Variants in NEB observed in about 807,000 individuals in gnomAD.
The protein encoded by NEB is nebulin.
Under a neutral mutation model 952.2 loss-of-function variants are expected in NEB, and 512 were observed. The ratio of observed to expected loss-of-function variants is 0.54; its 90% CI spans 0.50 to 0.58. NEB has a LOEUF of 0.58. Among genes scored for constraint, NEB ranks in the 20% least tolerant of loss-of-function variants. NEB has a pLI of 0.00. For synonymous variants in NEB, 2,900 were observed against 3,149.8 expected, an observed-to-expected ratio of 0.92 and a Z score of 2.66; for missense variants, 8,428 against 9,231.1, an observed-to-expected ratio of 0.91 and a Z score of 3.56.
At position 151,547,678 on chromosome 2, in the gene NEB, G is replaced by T. The variant is rs199722285; in HGVS notation, c.20218C>A (p.Pro6740Thr). The change falls in exon 132 of 182, where the codon CCT becomes ACT. Residue 6740 changes from proline (P) to threonine (T), a missense_variant. By Grantham distance (38) the Pro-to-Thr change is conservative. Coordinates refer to ENST00000397345, the MANE Select transcript of NEB (RefSeq NM_001164508.2). ...KDKIHTTPDT[P>T]EIRQVKKTQE... The stretch of plus-strand genomic sequence containing the variant: ...GTCTTCTTGACTTGGCGGATCTCAG[G>T]GGTATCGGGAGTTGTATGGATCTTG... The T allele has an allele frequency of 2.1e-5, 34 of 1,613,656 alleles. No homozygotes were observed. In the East Asian group the frequency reaches 7.6e-4, roughly 36 times the overall value.
chr2:151,496,155 G>T, intron 173 of NEB, 121 bp downstream of exon 173: 1 of 1,159,714 alleles, frequency 8.6e-7, no homozygotes, highest in Non-Finnish European at 1.2e-6. Context: ...GGGTAAATTT[G>T]CTAAAGAAAT....
intron 127 of NEB, 43 bp downstream of exon 127, chr2:151,553,355 G>A: frequency 2.1e-6 from 3 of 1,446,064 alleles, no homozygotes; most frequent in South Asian, 2.3e-5. Context: ...CTAGACTATG[G>A]AGAAATGGAA....
At chr2:151,682,190 C>T (rs2099419192) in intron 29 of NEB, among the ~76,000 whole-genome samples, 1 of 152,042 alleles carries the variant, frequency 6.6e-6, no homozygotes, top group Non-Finnish European at 1.5e-5. Flanking sequence ...TCAGTGGTTG[C>T]CTGGGGCTGA....
chr2:151,649,684 A>G (rs1278110035), intron 54 of NEB, among the ~76,000 whole-genome samples: 5 of 152,192 alleles, frequency 3.3e-5, no homozygotes, highest in African/African-American at 1.2e-4. Flanking sequence ...CTGGTGTCAG[A>G]GCTGGTGAAG....
chr2:151,729,082 C>T (rs897416153), intron 4 of NEB, among the ~76,000 whole-genome samples: 2 of 151,734 alleles, frequency 1.3e-5, no homozygotes, highest in East Asian at 3.9e-4. Context: ...AAAAAAAGAG[C>T]TTGAACGTGG....
rs1369081310 is a variant in NEB, at chr2:151,564,416, G to A, written c.18472-486C>T. Among the ~76,000 whole-genome samples, 4 of 152,160 alleles carry A rather than the reference G, an allele frequency of 2.6e-5. No individual in the cohort carries two copies. In the South Asian group the frequency reaches 8.3e-4, roughly 32 times the overall value. ...GATCTACCAACCTCACCCTCCCAAA[G>A]TGCTGGGATTATAGGCGTGAGCCAC... On this transcript the variant is annotated intron_variant, in intron 117 of 181. Transcript: ENST00000397345.
chr2:151,531,794 C>T lies in NEB; in HGVS notation c.21520G>A (p.Asp7174Asn), dbSNP rs1227689355. Residue 7174 changes from aspartate (D) to asparagine (N), a missense_variant and splice_region_variant, in exon 144 of 182, where the codon GAT becomes AAT. Transcript: ENST00000397345. The stretch of plus-strand genomic sequence containing the variant: ...TATTCAGTGTTTCTTGCACTTACAT[C>T]GCTGATTTGTTTGTTGACTTTTGTA... ...RTTKVNKQIS[D>N]ILYKLEYNKA... is the part of the protein sequence containing the mutation. 1.2e-6 allele frequency: 2 copies of T among 1,606,614 alleles called. No homozygotes were observed. The highest frequency in any genetic ancestry group is 2.2e-5 in the South Asian group (2 of 90,202).
intron 1 of NEB, 89 bp downstream of exon 1, chr2:151,734,309 A>T (rs1239950265): frequency 6.6e-6 from 1 of 152,200 alleles, no homozygotes; most frequent in Non-Finnish European, 1.5e-5. Flanking sequence ...TTCCTCAGTT[A>T]TGGCCCAAAC....
intron 161 of NEB, among the ~76,000 whole-genome samples, 181 bp from the exon 162 acceptor site, chr2:151,508,290 A>C (rs1467159537): frequency 6.6e-6 from 1 of 152,186 alleles, no homozygotes; most frequent in African/African-American, 2.4e-5. Flanking sequence ...AAGAAAGAGC[A>C]CCATACTTTT....
intron 173 of NEB, 67 bp downstream of exon 173, chr2:151,496,209 A>ATTAT (rs1217115676): frequency 2.1e-6 from 3 of 1,417,750 alleles, no homozygotes; most frequent in African/African-American, 1.4e-5. Flanking sequence ...ATTAATATGT[A>ATTAT]TTATTTTAAA....
rs1266951260 is a variant in NEB at position 151,502,780 on chromosome 2, C to T, written c.23928+13G>A. On this transcript the variant is annotated intron_variant, in intron 167 of 181. Coordinates refer to ENST00000397345, the MANE Select transcript of NEB (RefSeq NM_001164508.2). Reference sequence around the variant, plus strand: ...TTAAGGGATTTTTTTTTTTTTGGCCCCCTAAGAAATACCGAGCTAAAGTTC... The same window carrying T: ...TTAAGGGATTTTTTTTTTTTTGGCCTCCTAAGAAATACCGAGCTAAAGTTC... The T allele has an allele frequency of 6.7e-7, 1 of 1,499,316 alleles. No individual in the cohort carries two copies. Among genetic ancestry groups the T allele is most frequent in the Non-Finnish European group, 9.2e-7 (1 of 1,081,854 alleles). 92.9% of individuals were successfully genotyped at this position (1,499,316 alleles called of 1,614,324 possible).
Position 151,650,589 on chromosome 2 carries a change from A to G in NEB, c.7212T>C (p.Tyr2404=). 1.9e-6 allele frequency: 3 copies of G among 1,577,164 alleles called. No homozygotes were observed. Among genetic ancestry groups the G allele is most frequent in the Non-Finnish European group, 2.6e-6 (3 of 1,163,078 alleles). The part of the protein sequence containing the change: ...QNDVVQAKKV[Y]ELQSENLYKS... ...AGAAACTGACCTCACTTTGCAGTTC[A>G]TAAACTTTCTTAGCTTGCACAACAT... The change falls in exon 53 of 182, where the codon TAT becomes TAC. Residue 2404 remains tyrosine (Y), a synonymous_variant. Transcript: ENST00000397345.
At position 151,612,100 on chromosome 2, in the gene NEB, C is replaced by G. The variant is rs982933748; in HGVS notation, c.11805+86G>C. 2.1e-6 allele frequency: 3 copies of G among 1,418,214 alleles called. No homozygotes were observed. The African/African-American group carries it at 4.2e-5, about 20-fold the overall frequency. 87.9% of individuals were successfully genotyped at this position (1,418,214 alleles called of 1,614,324 possible). A position where few individuals can be genotyped will look rare whatever the true frequency, so the allele number is the denominator to read the frequency against. The stretch of plus-strand genomic sequence containing the variant: ...ATCAGGCCTATGACACCTCCTTTCT[C>G]AGGGAATCCTTAGGGAATTTCCTAC... On this transcript the variant is annotated intron_variant, in intron 78 of 181. Transcript: ENST00000397345.
intron 9 of NEB, among the ~76,000 whole-genome samples, chr2:151,718,805 T>C (rs2099766366): frequency 6.6e-6 from 1 of 152,228 alleles, no homozygotes; most frequent in Non-Finnish European, 1.5e-5. Flanking sequence ...CCACAAATAA[T>C]GCATATCCTT....
chr2:151,497,404 T>C (rs1179567048), intron 171 of NEB: 1 of 976,802 alleles, frequency 1.0e-6, no homozygotes, highest in African/African-American at 1.8e-5. Context: ...AAAAAAAAGA[T>C]TGAAAATACC....
At chr2:151,706,497 G>A (rs1020740702) in intron 13 of NEB, among the ~76,000 whole-genome samples, 17 of 152,122 alleles carry the variant, frequency 1.1e-4, no homozygotes, top group African/African-American at 4.1e-4. Flanking sequence ...TTCTGTTGTT[G>A]GCAAATGATG....
At chr2:151,715,175 G>A (rs759716490) in intron 10 of NEB, among the ~76,000 whole-genome samples, 3 of 152,170 alleles carry the variant, frequency 2.0e-5, no homozygotes, top group East Asian at 3.8e-4. Context: ...GCCATCCAAT[G>A]CATATATAAT....
intron 114 of NEB, 101 bp from the exon 115 acceptor site, chr2:151,565,921 C>T: frequency 1.4e-6 from 1 of 718,540 alleles, no homozygotes; most frequent in Non-Finnish European, 2.3e-6. Flanking sequence ...AAGGATTTCT[C>T]TCTAGTAGTT....
intron 11 of NEB, among the ~76,000 whole-genome samples, chr2:151,710,224 A>G (rs1226375253): frequency 3.9e-5 from 6 of 152,244 alleles, no homozygotes; most frequent in African/African-American, 1.4e-4. Flanking sequence ...TGAGGTAGAA[A>G]TAATGGCATG....
Sources: allele counts gnomAD v4.1 joint callset (sites outside exome capture counted in the v4.1 genomes callset), GRCh38; gene constraint gnomAD v4.1.1; transcripts MANE v1.5; gene names NCBI Gene and HGNC (gene_info 2026-07-23, HGNC 2026-07-21).